TMA16: variants seen among roughly 807,000 people sequenced by gnomAD.
TMA16 encodes the protein translation machinery-associated protein 16.
A neutral mutation model predicts 27.1 loss-of-function variants in TMA16; 26 were observed. The ratio of observed to expected loss-of-function variants is 0.96; its 90% CI spans 0.70 to 1.33. The LOEUF (loss-of-function observed/expected upper bound fraction) is 1.33, where lower values mean the gene tolerates loss of function less well. Among genes scored for constraint, TMA16 ranks in the 40% most tolerant of loss-of-function variants. The pLI, the probability that TMA16 is intolerant of heterozygous loss-of-function variation, is 0.00. For synonymous variants in TMA16, 71 were observed against 81.9 expected (o/e 0.87, Z 0.72); for missense variants, 233 against 241.4 (o/e 0.97, Z 0.23).
Position 163,494,915 on chromosome 4 carries a change from CAAAGTGTTTATTTTCAGGGAGT to C in TMA16, c.3+112_3+133del, listed in dbSNP as rs1737526312. On this transcript the variant is annotated intron_variant, in intron 1 of 6. Transcript: ENST00000358572. ...CGGGAACCTAGGAGAGGGGAGGATG[CAAAGTGTTTATTTTCAGGGAGT>C]GTGCGGGGTGCGGGGCGAAGCCTCT... 1.1e-5 allele frequency: 17 copies of C among 1,490,452 alleles called. No homozygotes were observed. In the East Asian group the frequency reaches 3.8e-4, roughly 34 times the overall value. The allele number at this position is 1,490,452 out of a possible 1,614,324, so 92.3% of individuals were successfully genotyped here. A position where few individuals can be genotyped will look rare whatever the true frequency, so the allele number is the denominator to read the frequency against.
At chr4:163,512,030 C>A (rs1316338899) in intron 2 of TMA16, among the ~76,000 whole-genome samples, 1 of 149,022 alleles carries the variant, frequency 6.7e-6, no homozygotes, top group Non-Finnish European at 1.5e-5. Context: ...TTTTTTTAAT[C>A]CTGAATAACT....
intron 1 of TMA16, among the ~76,000 whole-genome samples, chr4:163,501,239 G>C (rs1401836782): frequency 6.6e-6 from 1 of 152,270 alleles, no homozygotes; most frequent in South Asian, 2.1e-4. Flanking sequence ...GTCTCACTTA[G>C]TGACATATTA....
chr4:163,513,940 CA>C (rs1187340549), intron 3 of TMA16, 133 bp from the exon 4 acceptor site: 30 of 537,616 alleles, frequency 5.6e-5, no homozygotes, highest in Non-Finnish European at 8.4e-5. Context: ...TGAGCCCACA[CA>C]AGGCTTTATG....
intron 1 of TMA16, among the ~76,000 whole-genome samples, chr4:163,498,759 C>T (rs1737602120): frequency 6.6e-6 from 1 of 152,188 alleles, no homozygotes. Flanking sequence ...GCCTCAAACT[C>T]GGGCTGACGC....
At chr4:163,506,097 A>G (rs559668671) in intron 1 of TMA16, among the ~76,000 whole-genome samples, 3 of 152,264 alleles carry the variant, frequency 2.0e-5, no homozygotes, top group South Asian at 2.1e-4. Context: ...AGGATCTGCA[A>G]CTTCCCAGGT....
intron 2 of TMA16, among the ~76,000 whole-genome samples, chr4:163,508,320 T>G (rs1316093214): frequency 6.6e-6 from 1 of 152,200 alleles, no homozygotes; most frequent in African/African-American, 2.4e-5. Context: ...GGTTTCTGGC[T>G]TAAGGGTTTC....
intron 1 of TMA16, among the ~76,000 whole-genome samples, chr4:163,506,233 A>G (rs1358729357): frequency 6.6e-6 from 1 of 152,134 alleles, no homozygotes; most frequent in African/African-American, 2.4e-5. Context: ...GCTAGTAGAC[A>G]AAAAAATGGA....
chr4:163,496,252 A>G (rs900206857), intron 1 of TMA16, among the ~76,000 whole-genome samples: 4 of 152,234 alleles, frequency 2.6e-5, no homozygotes, highest in Admixed American at 2.6e-4. Context: ...CCATCTTGGC[A>G]AAATTACTTA....
At chr4:163,510,014 A>G (rs763285191) in intron 2 of TMA16, among the ~76,000 whole-genome samples, 37 of 152,198 alleles carry the variant, frequency 2.4e-4, no homozygotes, top group Admixed American at 5.9e-4. Flanking sequence ...TCATATTTAC[A>G]TGCAAGTACT....
chr4:163,495,276 A>C (rs1418220389), intron 1 of TMA16, among the ~76,000 whole-genome samples: 1 of 152,190 alleles, frequency 6.6e-6, no homozygotes, highest in Non-Finnish European at 1.5e-5. Context: ...CATTCGCTCC[A>C]GGGCACTGAA....
chr4:163,505,181 G>T (rs1469345472), intron 1 of TMA16, among the ~76,000 whole-genome samples: 3 of 152,278 alleles, frequency 2.0e-5, no homozygotes, highest in Middle Eastern at 3.4e-3. Context: ...CCTGCCAAAT[G>T]TCCTGAAAGT....
intron 6 of TMA16, 68 bp from the exon 7 acceptor site, chr4:163,519,266 A>G (rs985794261): frequency 2.9e-6 from 4 of 1,400,512 alleles, no homozygotes; most frequent in Admixed American, 3.2e-5. Flanking sequence ...AAAATTTACT[A>G]TCTCCTGTTT....
intron 2 of TMA16, among the ~76,000 whole-genome samples, chr4:163,511,962 A>C (rs941488840): frequency 6.6e-6 from 1 of 151,782 alleles, no homozygotes; most frequent in Non-Finnish European, 1.5e-5. Context: ...CTTTATACAA[A>C]GCCTTCTCCT....
intron 3 of TMA16, 24 bp downstream of exon 3, chr4:163,512,883 A>G: frequency 6.3e-7 from 1 of 1,594,350 alleles, no homozygotes; most frequent in Non-Finnish European, 8.6e-7. Context: ...CTTATTTGAA[A>G]CTCTGGCTAG....
chr4:163,507,087 T>C lies in TMA16; in HGVS notation c.58T>C (p.Tyr20His). ...AGREKKVIHP[Y>H]SRKAAQITRE... ...ACGGGAAAAAAAAGTCATCCATCCA[T>C]ATAGTAGAAAAGCAGCTCAAATTAC... is the stretch of plus-strand genomic sequence containing the variant. The change falls in exon 2 of 7, where the codon TAT (tyrosine) becomes CAT (histidine). Residue 20 changes from tyrosine (Y) to histidine (H), a missense_variant. Physicochemically the swap from Tyr to His is moderately conservative, Grantham distance 83. Coordinates refer to ENST00000358572, the MANE Select transcript of TMA16 (RefSeq NM_018352.3). The C allele has an allele frequency of 1.3e-6, 2 of 1,595,900 alleles. No individual in the cohort carries two copies. Among genetic ancestry groups the C allele is most frequent in the Non-Finnish European group, 8.5e-7 (1 of 1,170,246 alleles).
intron 2 of TMA16, 99 bp downstream of exon 2, chr4:163,507,244 C>A: frequency 1.9e-6 from 2 of 1,066,474 alleles, no homozygotes; most frequent in South Asian, 1.6e-5. Context: ...GTCTCCCTTT[C>A]ATAAATATTT....
At chr4:163,500,117 G>A (rs1351578147) in intron 1 of TMA16, among the ~76,000 whole-genome samples, 1 of 151,984 alleles carries the variant, frequency 6.6e-6, no homozygotes, top group African/African-American at 2.4e-5. Context: ...AGTACATTTG[G>A]AGATCCCAAA....
intron 1 of TMA16, among the ~76,000 whole-genome samples, chr4:163,495,616 A>G (rs1315511164): frequency 6.6e-6 from 1 of 152,234 alleles, no homozygotes; most frequent in Non-Finnish European, 1.5e-5. Context: ...GCATAGAAAC[A>G]TGCTTTATAA....
chr4:163,503,066 G>A (rs943332013), intron 1 of TMA16, among the ~76,000 whole-genome samples: 5 of 152,048 alleles, frequency 3.3e-5, no homozygotes, highest in Non-Finnish European at 1.5e-5. Flanking sequence ...GTACAGTAAC[G>A]TCCTGGACAG....
Sources: gnomAD v4.1 joint callset for allele counts (sites outside exome capture counted in the v4.1 genomes callset) on GRCh38, gnomAD v4.1.1 for gene constraint, MANE v1.5 for transcripts, NCBI Gene and HGNC (gene_info 2026-07-23, HGNC 2026-07-21) for gene names.